The following WDFY1 variants were observed in gnomAD, a reference collection of about 807,000 sequenced individuals.
The protein encoded by WDFY1 is WD repeat and FYVE domain-containing protein 1.
In WDFY1, 32 loss-of-function variants were observed where a neutral mutation model predicts 56.4. The observed-to-expected ratio is 0.57, with a 90% CI of 0.43 to 0.76. The LOEUF (loss-of-function observed/expected upper bound fraction) is 0.76, where lower values mean the gene tolerates loss of function less well. WDFY1 is among the 30% of genes least tolerant of loss of function. The pLI is 0.00. For synonymous variants in WDFY1, 192 were observed against 197.3 expected (o/e 0.97, Z 0.23); for missense variants, 480 against 545.7 (o/e 0.88, Z 1.20).
chr2:223,893,217 C>T (rs1693307051), intron 8 of WDFY1, among the ~76,000 whole-genome samples: 2 of 151,894 alleles, frequency 1.3e-5, no homozygotes, highest in Non-Finnish European at 2.9e-5. Flanking sequence ...CAGCATTCTT[C>T]AAAATATTTA....
intron 6 of WDFY1, among the ~76,000 whole-genome samples, chr2:223,897,544 A>G (rs1417803659): frequency 6.6e-6 from 1 of 151,268 alleles, no homozygotes; most frequent in Non-Finnish European, 1.5e-5. Flanking sequence ...CGTCCAGCTA[A>G]TGTTTTTTGT....
At chr2:223,903,529 CAA>C (rs1693541325) in intron 4 of WDFY1, among the ~76,000 whole-genome samples, 10 of 99,728 alleles carry the variant, frequency 1.0e-4, no homozygotes, top group Non-Finnish European at 2.2e-4. Flanking sequence ...TCTCAAAAAA[CAA>C]AACAAAACAA....
chr2:223,945,006 G>C (rs992755719), intron 1 of WDFY1, 142 bp downstream of exon 1: 2 of 989,788 alleles, frequency 2.0e-6, no homozygotes, highest in African/African-American at 1.7e-5. Context: ...GAACCCGGCG[G>C]AGCTAAGGGG....
intron 10 of WDFY1, among the ~76,000 whole-genome samples, chr2:223,880,827 T>C (rs1172057720): frequency 4.6e-5 from 7 of 151,844 alleles, no homozygotes; most frequent in African/African-American, 1.7e-4. Context: ...ATCTTCAATA[T>C]AAAAGAAGAA....
intron 3 of WDFY1, among the ~76,000 whole-genome samples, chr2:223,907,930 G>A (rs943407299): frequency 6.6e-6 from 1 of 151,006 alleles, no homozygotes; most frequent in African/African-American, 2.4e-5. Flanking sequence ...TGCAATCTCT[G>A]CTCACTGTAA....
intron 1 of WDFY1, among the ~76,000 whole-genome samples, chr2:223,929,194 T>G (rs1257292074): frequency 2.1e-5 from 3 of 145,406 alleles, no homozygotes; most frequent in Admixed American, 6.8e-5. Flanking sequence ...TTTTTGTTTT[T>G]TTTTTTTTTT....
At chr2:223,914,043 C>G (rs1027407078) in intron 2 of WDFY1, among the ~76,000 whole-genome samples, 4 of 125,526 alleles carry the variant, frequency 3.2e-5, no homozygotes, top group Admixed American at 1.1e-4. Flanking sequence ...GTCACCCAGG[C>G]TGGAGTGCAG....
rs750965560 is a variant in WDFY1 at position 223,880,252 on chromosome 2, C to CA, written c.1065-21dup. 1 of 1,610,834 alleles carries CA rather than the reference C, an allele frequency of 6.2e-7. No homozygotes were observed. The highest frequency in any genetic ancestry group is 2.2e-5 in the East Asian group (1 of 44,848). ...GTCCGACTAACAAGAGAAAAGAGAT[C>CA]ACTGAAAATTTACTTGACTGTACCT... is the stretch of plus-strand genomic sequence containing the variant. On this transcript the variant is annotated intron_variant, in intron 10 of 11. Transcript: ENST00000233055.
chr2:223,899,640 G>A (rs1693468397), intron 5 of WDFY1, among the ~76,000 whole-genome samples: 1 of 152,116 alleles, frequency 6.6e-6, no homozygotes, highest in African/African-American at 2.4e-5. Flanking sequence ...CAGTTACTCA[G>A]GAGGCTGAGA....
chr2:223,935,267 AC>A (rs1329799980), intron 1 of WDFY1, among the ~76,000 whole-genome samples: 20 of 152,190 alleles, frequency 1.3e-4, no homozygotes, highest in Non-Finnish European at 2.9e-5. Context: ...AAAAATCCAC[AC>A]AGGCGACTTT....
chr2:223,883,693 T>G (rs766540303), intron 9 of WDFY1, among the ~76,000 whole-genome samples: 29 of 152,220 alleles, frequency 1.9e-4, no homozygotes, highest in Non-Finnish European at 3.8e-4. Flanking sequence ...TCACTTAGGC[T>G]GGAGTGCAGT....
At position 223,880,142 on chromosome 2, in the gene WDFY1, C is replaced by T; in HGVS notation, c.1155G>A (p.Gly385=). 6.2e-7 allele frequency: 1 copy of T among 1,614,078 alleles called. No individual in the cohort carries two copies. Among genetic ancestry groups the T allele is most frequent in the Non-Finnish European group, 8.5e-7 (1 of 1,179,964 alleles). Residue 385 remains glycine (G), a synonymous_variant, in exon 11 of 12, where the codon GGG becomes GGA. Coordinates refer to ENST00000233055, the MANE Select transcript of WDFY1 (RefSeq NM_020830.5). ...DIARGLMVTC[G]TDRIVKIWDM... is the part of the protein sequence containing the mutation. Reference sequence around the variant, plus strand: ...AGCTTACCTTTACAATGCGGTCGGTCCCACAGGTCACCATCAGTCCCCTGG... The same window carrying T: ...AGCTTACCTTTACAATGCGGTCGGTTCCACAGGTCACCATCAGTCCCCTGG...
Position 223,878,661 on chromosome 2 carries a change from A to G in WDFY1, c.*10T>C, listed in dbSNP as rs1693011745. ...CTGTTCTTAGGTGTGGACGCCGCCC[A>G]GCTCTCAGATCAGTGCGGAGAAAAC... is the stretch of plus-strand genomic sequence containing the variant. On this transcript the variant is annotated 3_prime_UTR_variant, in exon 12 of 12. Coordinates refer to ENST00000233055, the MANE Select transcript of WDFY1 (RefSeq NM_020830.5). 1 of 1,608,644 alleles carries G rather than the reference A, an allele frequency of 6.2e-7. No homozygotes were observed. The highest frequency in any genetic ancestry group is 8.5e-7 in the Non-Finnish European group (1 of 1,175,134).
intron 9 of WDFY1, among the ~76,000 whole-genome samples, chr2:223,883,603 T>C (rs1457407212): frequency 1.1e-5 from 1 of 87,492 alleles, no homozygotes; most frequent in African/African-American, 3.8e-5. Flanking sequence ...TATGAGACCT[T>C]ACTGTGGAGT....
At chr2:223,933,646 CCT>C in intron 1 of WDFY1, among the ~76,000 whole-genome samples, 1 of 151,838 alleles carries the variant, frequency 6.6e-6, no homozygotes, top group East Asian at 1.9e-4. Flanking sequence ...ATACCAATAC[CCT>C]GTCTCTACAA....
rs531038328 is a variant in WDFY1 at position 223,914,116 on chromosome 2, C to A, written c.206-1790G>T. ...GGTTCAAGCGATTCTCCTGTCTCAG[C>A]CTCCTGAGTAGCTAGGATTACAGGC... is the stretch of plus-strand genomic sequence containing the variant. On this transcript the variant is annotated intron_variant, in intron 2 of 11. Transcript: ENST00000233055. 4.0e-5 allele frequency among the ~76,000 whole-genome samples: 6 copies of A among 149,370 alleles called. No individual in the cohort carries two copies. The South Asian group carries it at 1.3e-3, about 32-fold the overall frequency.
intron 7 of WDFY1, 88 bp downstream of exon 7, chr2:223,895,416 T>C: frequency 6.3e-7 from 1 of 1,589,850 alleles, no homozygotes; most frequent in Non-Finnish European, 8.6e-7. Context: ...ACGTGGGGTT[T>C]GCAGAAAGTG....
rs968304198 is a variant in WDFY1, at chr2:223,905,831, G to C, written c.334+116C>G. On this transcript the variant is annotated intron_variant, in intron 4 of 11. Transcript: ENST00000233055. Reference sequence around the variant, plus strand: ...AAAAGACAAGTCTCTTGCATAGTGGGGGTAACAAAACTAAAAAGTTAATGT... The same window carrying C: ...AAAAGACAAGTCTCTTGCATAGTGGCGGTAACAAAACTAAAAAGTTAATGT... 1.0e-5 allele frequency: 7 copies of C among 680,094 alleles called. No individual in the cohort carries two copies. The East Asian group carries it at 2.3e-4, about 23-fold the overall frequency. 42.1% of individuals were successfully genotyped at this position (680,094 alleles called of 1,614,324 possible). A position where few individuals can be genotyped will look rare whatever the true frequency, so the allele number is the denominator to read the frequency against.
chr2:223,876,345 T>C lies in WDFY1; in HGVS notation c.*2326A>G, dbSNP rs1385664456. The stretch of plus-strand genomic sequence containing the variant: ...ATAAGGCAATAACCATCAGCCTATC[T>C]GTACTTTTCTTCTGTGCCTACTCAG... On this transcript the variant is annotated 3_prime_UTR_variant, in exon 12 of 12. Transcript: ENST00000233055. 1.3e-5 allele frequency: 2 copies of C among 152,648 alleles called. No homozygotes were observed. Among genetic ancestry groups the C allele is most frequent in the Admixed American group, 6.5e-5 (1 of 15,280 alleles). 9.5% of individuals were successfully genotyped at this position (152,648 alleles called of 1,614,324 possible). A position where few individuals can be genotyped will look rare whatever the true frequency, so the allele number is the denominator to read the frequency against.
Sources: gnomAD v4.1 joint callset for allele counts (sites outside exome capture counted in the v4.1 genomes callset) on GRCh38, gnomAD v4.1.1 for gene constraint, MANE v1.5 for transcripts, NCBI Gene and HGNC (gene_info 2026-07-23, HGNC 2026-07-21) for gene names.